Variants in CCND2 observed in about 807,000 individuals in gnomAD.
CCND2 encodes the protein cyclin D2, also known as G1/S-specific cyclin-D2.
Under a neutral mutation model 30.2 loss-of-function variants are expected in CCND2, and 6 were observed. The observed-to-expected ratio is 0.20, with a 90% CI of 0.11 to 0.39. CCND2 has a LOEUF of 0.39. CCND2 is among the 10% of genes least tolerant of loss of function. The pLI, the probability that CCND2 is intolerant of heterozygous loss-of-function variation, is 1.00. For missense variants in CCND2, 235 were observed against 373.4 expected, an observed-to-expected ratio of 0.63 and a Z score of 3.06; for synonymous variants, 150 against 153.1, an observed-to-expected ratio of 0.98 and a Z score of 0.15.
chr12:4,300,279 A>C lies in CCND2; in HGVS notation c.*270A>C. ...TGTTTGATTATGTAAAAGTAATAGT[A>C]AAATGCTTACAGGAAAACCTGCAGA... is the stretch of plus-strand genomic sequence containing the variant. On this transcript the variant is annotated 3_prime_UTR_variant, in exon 5 of 5. Coordinates refer to ENST00000261254, the MANE Select transcript of CCND2 (RefSeq NM_001759.4). 2.7e-6 allele frequency: 1 copy of C among 367,970 alleles called. No homozygotes were observed. Among genetic ancestry groups the C allele is most frequent in the Non-Finnish European group, 4.9e-6 (1 of 202,562 alleles). The allele number at this position is 367,970 out of a possible 1,614,324, so 22.8% of individuals were successfully genotyped here.
chr12:4,278,541 C>A, intron 2 of CCND2: 1 of 444,368 alleles, frequency 2.3e-6, no homozygotes, highest in Non-Finnish European at 4.0e-6. Context: ...CCTGGGCTCT[C>A]ATTATTTTCA....
intron 3 of CCND2, among the ~76,000 whole-genome samples, chr12:4,279,777 C>T (rs1164282804): frequency 1.3e-5 from 2 of 151,066 alleles, no homozygotes; most frequent in Middle Eastern, 3.4e-3. Flanking sequence ...CTTACTCATC[C>T]AAGGGAGAGA....
intron 2 of CCND2, 130 bp from the exon 3 acceptor site, chr12:4,278,630 C>T (rs1023818154): frequency 1.8e-5 from 14 of 761,148 alleles, no homozygotes; most frequent in Non-Finnish European, 2.9e-5. Flanking sequence ...AATGGGCCCG[C>T]CTTACAATCT....
intron 4 of CCND2, among the ~76,000 whole-genome samples, chr12:4,289,736 C>T (rs774919146): frequency 1.3e-5 from 2 of 152,092 alleles, no homozygotes; most frequent in Admixed American, 6.5e-5. Flanking sequence ...AGTCCTAGCC[C>T]GTCCGAGACA....
rs1864006854 is a variant in CCND2, at chr12:4,285,213, C to T, written c.572-3629C>T. ...ATGCTGCCTGGAACAGGGAGGAGCA[C>T]ATTGTCATGAGTCGATCAGAATGGA... On this transcript the variant is annotated intron_variant, in intron 3 of 4. Coordinates refer to ENST00000261254, the MANE Select transcript of CCND2 (RefSeq NM_001759.4). The surrounding 1 kb of genome is among the most constrained non-coding windows in gnomAD (Gnocchi z 4.1). 2 of 851,664 alleles carry T rather than the reference C, an allele frequency of 2.3e-6. No individual in the cohort carries two copies. Among genetic ancestry groups the T allele is most frequent in the Non-Finnish European group, 2.8e-6 (2 of 707,928 alleles). The allele number at this position is 851,664 out of a possible 1,614,324, so 52.8% of individuals were successfully genotyped here.
Position 4,276,230 on chromosome 12 carries a change from G to A in CCND2, c.411+10G>A, listed in dbSNP as rs771688425. The A allele has an allele frequency of 1.2e-6, 2 of 1,605,726 alleles. No homozygotes were observed. The highest frequency in any genetic ancestry group is 1.1e-5 in the South Asian group (1 of 90,828). ...GCCTCAGGAGCTGCTGGTAATGACC[G>A]GCCCCTTCCTCCCTTCCTTTCTGCG... On this transcript the variant is annotated intron_variant, in intron 2 of 4. Coordinates refer to ENST00000261254, the MANE Select transcript of CCND2 (RefSeq NM_001759.4). This position sits in a 1 kb window ranked among gnomAD's most constrained non-coding sequence, Gnocchi z 4.8.
rs572629854 is a variant in CCND2, at chr12:4,286,914, C to T, written c.572-1928C>T. On this transcript the variant is annotated intron_variant, in intron 3 of 4. Coordinates refer to ENST00000261254, the MANE Select transcript of CCND2 (RefSeq NM_001759.4). ...CTCTTCCCTGGCAGATGCTCCCACC[C>T]GGGCCTTTGTGGGCCCAGGGCCATG... Among the ~76,000 whole-genome samples the T allele has an allele frequency of 5.0e-4, 76 of 152,348 alleles. No individual in the cohort carries two copies. The East Asian group carries it at 0.014, about 27-fold the overall frequency.
At chr12:4,278,029 C>G (rs1863897960) in intron 2 of CCND2, among the ~76,000 whole-genome samples, 1 of 152,234 alleles carries the variant, frequency 6.6e-6, no homozygotes, top group Non-Finnish European at 1.5e-5. Flanking sequence ...CTGAGGGATG[C>G]TGTGACACTG....
rs1199273024 is a variant in CCND2, at chr12:4,297,586, A to AC, written c.721-2274_721-2273insC. On this transcript the variant is annotated intron_variant, in intron 4 of 4. Coordinates refer to ENST00000261254, the MANE Select transcript of CCND2 (RefSeq NM_001759.4). ...ACTCTGTCTCAAAAAAAAAAAAAAAAAAAAAAAAAAACAGAAAAGAAAAGA... is the reference window on the plus strand; with the variant it reads ...ACTCTGTCTCAAAAAAAAAAAAAAAACAAAAAAAAAAACAGAAAAGAAAAGA... 2.7e-3 allele frequency among the ~76,000 whole-genome samples: 366 copies of AC among 136,324 alleles called. 7 individuals carry two copies. Among genetic ancestry groups the AC allele is most frequent in the Middle Eastern group, 3.8e-3 (1 of 262 alleles). 89.4% of individuals were successfully genotyped at this position (136,324 alleles called of 152,430 possible).
chr12:4,288,916 C>G lies in CCND2; in HGVS notation c.646C>G (p.Gln216Glu). 1 of 1,613,808 alleles carries G rather than the reference C, an allele frequency of 6.2e-7. No individual in the cohort carries two copies. The highest frequency in any genetic ancestry group is 8.5e-7 in the Non-Finnish European group (1 of 1,179,906). Reference protein sequence around the residue: ...SVGAAICGLQQDEEVSSLTCD... With the variant: ...SVGAAICGLQEDEEVSSLTCD... ...GGGAGCAGCCATCTGTGGGCTCCAG[C>G]AGGATGAGGAAGTGAGCTCGCTCAC... The change falls in exon 4 of 5, where the codon CAG becomes GAG. Residue 216 changes from glutamine to glutamate, a missense_variant. By Grantham distance (29) the Gln-to-Glu change is conservative (BLOSUM62 2). Around this residue, in one of 2 missense-constraint regions of CCND2, gnomAD observed 178 missense variants for 322.8 expected, o/e 0.55. Transcript: ENST00000261254.
intron 4 of CCND2, among the ~76,000 whole-genome samples, chr12:4,297,502 T>C (rs1355576970): frequency 8.0e-6 from 1 of 125,234 alleles, no homozygotes; most frequent in Non-Finnish European, 1.6e-5. Context: ...ACCCGAGAGG[T>C]GGAGGTTGCA....
At position 4,300,054 on chromosome 12, in the gene CCND2, T is replaced by C; in HGVS notation, c.*45T>C. ...AGAGAGAGACGCGTCCATAATCTGGTCTCTTCTTCTTTCTGGTTGTTTTTG... is the reference window on the plus strand; with the variant it reads ...AGAGAGAGACGCGTCCATAATCTGGCCTCTTCTTCTTTCTGGTTGTTTTTG... On this transcript the variant is annotated 3_prime_UTR_variant, in exon 5 of 5. Coordinates refer to ENST00000261254, the MANE Select transcript of CCND2 (RefSeq NM_001759.4). The C allele has an allele frequency of 6.4e-7, 1 of 1,559,086 alleles. No individual in the cohort carries two copies.
intron 2 of CCND2, among the ~76,000 whole-genome samples, chr12:4,277,118 A>G (rs528255908): frequency 7.2e-5 from 11 of 152,260 alleles, no homozygotes; most frequent in African/African-American, 2.2e-4. Flanking sequence ...CTCTGCTGCC[A>G]TCTAGTGGAA....
intron 3 of CCND2, among the ~76,000 whole-genome samples, chr12:4,286,808 C>A (rs1864029343): frequency 6.6e-6 from 1 of 152,178 alleles, no homozygotes; most frequent in Non-Finnish European, 1.5e-5. Context: ...AGTGGGACAG[C>A]AGAGATGGGC....
rs1438272219 is a variant in CCND2 at position 4,287,613 on chromosome 12, G to T, written c.572-1229G>T. ...TGCAACTATACCCACCCTAATATCT[G>T]TCAACACGAGCAGGGGCAACTTAAA... On this transcript the variant is annotated intron_variant, in intron 3 of 4. Coordinates refer to ENST00000261254, the MANE Select transcript of CCND2 (RefSeq NM_001759.4). This position sits in a 1 kb window ranked among gnomAD's most constrained non-coding sequence, Gnocchi z 4.0. 6.6e-6 allele frequency among the ~76,000 whole-genome samples: 1 copy of T among 152,192 alleles called. No individual in the cohort carries two copies. Among genetic ancestry groups the T allele is most frequent in the Non-Finnish European group, 1.5e-5 (1 of 68,034 alleles).
rs1864041961 is a variant in CCND2 at position 4,287,607 on chromosome 12, A to G, written c.572-1235A>G. The stretch of plus-strand genomic sequence containing the variant: ...GATGGCTGCAACTATACCCACCCTA[A>G]TATCTGTCAACACGAGCAGGGGCAA... On this transcript the variant is annotated intron_variant, in intron 3 of 4. Transcript: ENST00000261254. The surrounding 1 kb of genome is among the most constrained non-coding windows in gnomAD (Gnocchi z 4.0). Among the ~76,000 whole-genome samples the G allele has an allele frequency of 6.6e-6, 1 of 152,144 alleles. No homozygotes were observed.
chr12:4,296,996 C>T (rs565421283), intron 4 of CCND2, among the ~76,000 whole-genome samples: 7 of 152,208 alleles, frequency 4.6e-5, no homozygotes, highest in South Asian at 2.1e-4. Context: ...TCTCACACCA[C>T]GATGATTCTG....
chr12:4,301,683 G>GTT lies in CCND2; in HGVS notation c.*1674_*1675insTT. On this transcript the variant is annotated 3_prime_UTR_variant, in exon 5 of 5. Transcript: ENST00000261254. ...TTTTTAATTTTGTTTTGTTCAGTTT[G>GTT]GTTTTTTTTTTTTTTTGCGCTGCTA... is the stretch of plus-strand genomic sequence containing the variant. The GTT allele has an allele frequency of 4.8e-6, 1 of 210,034 alleles. No individual in the cohort carries two copies. Among genetic ancestry groups the GTT allele is most frequent in the Non-Finnish European group, 9.1e-6 (1 of 109,346 alleles). The allele number at this position is 210,034 out of a possible 1,614,324, so 13.0% of individuals were successfully genotyped here.
rs1398963536 is a variant in CCND2 at position 4,276,295 on chromosome 12, C to CGA, written c.411+75_411+76insGA. The stretch of plus-strand genomic sequence containing the variant: ...CTGGCCAACAATATGCCTTCTATCA[C>CGA]CACTGCCAGAGCAAATTCTTGGGAT... On this transcript the variant is annotated intron_variant, in intron 2 of 4. Transcript: ENST00000261254. This position sits in a 1 kb window ranked among gnomAD's most constrained non-coding sequence, Gnocchi z 4.8. The CGA allele has an allele frequency of 1.6e-6, 2 of 1,277,886 alleles. No individual in the cohort carries two copies. Among genetic ancestry groups the CGA allele is most frequent in the East Asian group, 5.0e-5 (2 of 40,282 alleles). 79.2% of individuals were successfully genotyped at this position (1,277,886 alleles called of 1,614,324 possible). A position where few individuals can be genotyped will look rare whatever the true frequency, so the allele number is the denominator to read the frequency against.
Sources: allele counts gnomAD v4.1 joint callset (sites outside exome capture counted in the v4.1 genomes callset), GRCh38; gene constraint gnomAD v4.1.1; regional missense constraint gnomAD v4.1.1; non-coding constraint Gnocchi (gnomAD v3.1); transcripts MANE v1.5; gene names NCBI Gene and HGNC (gene_info 2026-07-23, HGNC 2026-07-21).